Variants in SKAP1 observed in about 807,000 individuals in gnomAD.
SKAP1 encodes the protein src kinase associated phosphoprotein 1, also known as src kinase-associated phosphoprotein 1.
Under a neutral mutation model 58.5 loss-of-function variants are expected in SKAP1, and 44 were observed. The ratio of observed to expected loss-of-function variants is 0.75; its 90% CI spans 0.59 to 0.97. The LOEUF (loss-of-function observed/expected upper bound fraction) is 0.97, where lower values mean the gene tolerates loss of function less well. Ranked by LOEUF, SKAP1 falls within the 50% of genes least tolerant of loss-of-function variation. The pLI, the probability that SKAP1 is intolerant of heterozygous loss-of-function variation, is 0.00. For missense variants in SKAP1, 390 were observed against 435.2 expected, an observed-to-expected ratio of 0.90 and a Z score of 0.92; for synonymous variants, 127 against 149.7, an observed-to-expected ratio of 0.85 and a Z score of 1.11.
chr17:48,442,768 C>T, the SKAP1 span, among the ~76,000 whole-genome samples: 1 of 152,206 alleles, frequency 6.6e-6, no homozygotes, highest in South Asian at 2.1e-4. Flanking sequence ...CCACCATCAT[C>T]TTCTACCTTG....
intron 4 of SKAP1, among the ~76,000 whole-genome samples, chr17:48,276,652 A>G (rs2065705134): frequency 6.6e-6 from 1 of 152,180 alleles, no homozygotes; most frequent in African/African-American, 2.4e-5. Flanking sequence ...CAAATGAAAC[A>G]GTCTATGGAG....
intron 11 of SKAP1, among the ~76,000 whole-genome samples, chr17:48,154,282 C>T (rs2143185222): frequency 1.3e-5 from 2 of 152,318 alleles, no homozygotes; most frequent in Middle Eastern, 3.4e-3. Context: ...TGACAAAGTC[C>T]ATTCTTCTCC....
chr17:48,436,247 T>C, the SKAP1 span, among the ~76,000 whole-genome samples: 4 of 152,154 alleles, frequency 2.6e-5, no homozygotes, highest in Non-Finnish European at 1.5e-5. Context: ...AATTTTTGTA[T>C]TTTTAGTACA....
chr17:48,160,787 G>C (rs1011690786), intron 11 of SKAP1, among the ~76,000 whole-genome samples: 1 of 152,236 alleles, frequency 6.6e-6, no homozygotes, highest in Non-Finnish European at 1.5e-5. Flanking sequence ...TGGGCAAACA[G>C]AGGCCTGGTC....
intron 1 of SKAP1, among the ~76,000 whole-genome samples, chr17:48,402,805 G>A (rs185842136): frequency 6.6e-6 from 1 of 152,226 alleles, no homozygotes; most frequent in African/African-American, 2.4e-5. Context: ...CTAAGTGAAA[G>A]GAGCCAGTCA....
chr17:48,411,104 A>G (rs926382091), intron 1 of SKAP1, among the ~76,000 whole-genome samples: 1 of 152,108 alleles, frequency 6.6e-6, no homozygotes, highest in Non-Finnish European at 1.5e-5. Context: ...ATGGTTGAAT[A>G]GATAAATAAG....
intron 11 of SKAP1, among the ~76,000 whole-genome samples, chr17:48,148,404 G>A (rs2063858276): frequency 6.6e-6 from 1 of 152,196 alleles, no homozygotes; most frequent in Non-Finnish European, 1.5e-5. Flanking sequence ...CAGAAGTCAG[G>A]AACAATAAAG....
intron 9 of SKAP1, among the ~76,000 whole-genome samples, chr17:48,174,307 T>C (rs1349253234): frequency 2.0e-5 from 3 of 152,240 alleles, no homozygotes; most frequent in Admixed American, 1.3e-4. Context: ...TCAAGAAGCC[T>C]TCCCATTGAT....
In SKAP1 at chr17:48,430,124, G is replaced by T; in HGVS notation, c.-4C>A. 7.9e-7 allele frequency: 1 copy of T among 1,262,488 alleles called. No homozygotes were observed. 78.2% of individuals were successfully genotyped at this position (1,262,488 alleles called of 1,614,324 possible). On this transcript the variant is annotated 5_prime_UTR_variant, in exon 1 of 13. Coordinates refer to ENST00000336915, the MANE Select transcript of SKAP1 (RefSeq NM_003726.4). ...CAGGGAGGGCGGCGGCCTGCATTTG[G>T]CTGGGCGGGAGAGAGGCGGGACGGG...
intron 4 of SKAP1, among the ~76,000 whole-genome samples, chr17:48,284,450 C>T (rs2065805311): frequency 6.6e-6 from 1 of 152,114 alleles, no homozygotes; most frequent in African/African-American, 2.4e-5. Flanking sequence ...CTCAGAGGCA[C>T]ATGGGCCTAT....
At chr17:48,211,802 T>C (rs1343243413) in intron 4 of SKAP1, among the ~76,000 whole-genome samples, 1 of 152,124 alleles carries the variant, frequency 6.6e-6, no homozygotes, top group Non-Finnish European at 1.5e-5. Context: ...AGGCTCTTTC[T>C]ATCTTTATAA....
At chr17:48,208,409 T>C (rs912145383) in intron 4 of SKAP1, among the ~76,000 whole-genome samples, 1 of 152,176 alleles carries the variant, frequency 6.6e-6, no homozygotes, top group Non-Finnish European at 1.5e-5. Context: ...ATAAATCAGC[T>C]TTCCCCTTGA....
At chr17:48,167,669 G>A (rs749447668) in intron 10 of SKAP1, among the ~76,000 whole-genome samples, 4 of 152,098 alleles carry the variant, frequency 2.6e-5, no homozygotes, top group Non-Finnish European at 5.9e-5. Flanking sequence ...CAGAGTTGGG[G>A]TTGGGGGCAG....
intron 11 of SKAP1, among the ~76,000 whole-genome samples, chr17:48,140,734 C>T (rs1381224464): frequency 1.3e-5 from 2 of 151,830 alleles, no homozygotes; most frequent in Admixed American, 6.6e-5. Context: ...GGAGTCATTC[C>T]CAATTTCACT....
chr17:48,291,709 T>C (rs999388725), intron 4 of SKAP1, among the ~76,000 whole-genome samples: 1 of 152,230 alleles, frequency 6.6e-6, no homozygotes, highest in Non-Finnish European at 1.5e-5. Context: ...GCTAGTCTTA[T>C]AGGAGTTGAT....
intron 4 of SKAP1, among the ~76,000 whole-genome samples, chr17:48,320,679 C>T (rs971722856): frequency 2.0e-5 from 3 of 151,948 alleles, no homozygotes; most frequent in Non-Finnish European, 4.4e-5. Flanking sequence ...CTTTGGGAGC[C>T]GAGGCAGAAG....
At chr17:48,229,400 C>T (rs756833787) in intron 4 of SKAP1, among the ~76,000 whole-genome samples, 8 of 152,008 alleles carry the variant, frequency 5.3e-5, no homozygotes, top group Non-Finnish European at 1.0e-4. Flanking sequence ...GTGGGCAGAT[C>T]GCCTGAGGTC....
intron 4 of SKAP1, among the ~76,000 whole-genome samples, chr17:48,199,051 G>A (rs1007825615): frequency 3.3e-5 from 5 of 152,104 alleles, no homozygotes; most frequent in Admixed American, 6.6e-5. Context: ...CTTTAAAAAC[G>A]AATGACGAAA....
At chr17:48,229,482 G>A (rs548105912) in intron 4 of SKAP1, among the ~76,000 whole-genome samples, 21 of 152,064 alleles carry the variant, frequency 1.4e-4, no homozygotes, top group African/African-American at 4.6e-4. Flanking sequence ...TTAGCTGGGC[G>A]TTGTGGTGGG....
Sources: allele counts gnomAD v4.1 joint callset (sites outside exome capture counted in the v4.1 genomes callset), GRCh38; gene constraint gnomAD v4.1.1; transcripts MANE v1.5; gene names NCBI Gene and HGNC (gene_info 2026-07-23, HGNC 2026-07-21).